The following OCA2 variants were observed in gnomAD, a reference collection of about 807,000 sequenced individuals.
OCA2 encodes OCA2 melanosomal transmembrane protein.
In OCA2, 77 loss-of-function variants were observed where a neutral mutation model predicts 100.2. The ratio of observed to expected loss-of-function variants is 0.77; its 90% CI spans 0.64 to 0.93. The LOEUF is 0.93. OCA2 is among the 40% of genes least tolerant of loss of function. The pLI is 0.00. For synonymous variants in OCA2, 432 were observed against 439.2 expected (o/e 0.98, Z 0.21); for missense variants, 1,062 against 1,089.1 (o/e 0.98, Z 0.35).
chr15:28,047,266 C>G (rs1028635436), intron 2 of OCA2, among the ~76,000 whole-genome samples: 3 of 152,172 alleles, frequency 2.0e-5, no homozygotes, highest in Non-Finnish European at 4.4e-5. Flanking sequence ...CCTCCAGAGA[C>G]TCTGATTCAG....
chr15:27,976,863 T>C (rs2040984095), intron 14 of OCA2, among the ~76,000 whole-genome samples: 1 of 152,192 alleles, frequency 6.6e-6, no homozygotes, highest in Non-Finnish European at 1.5e-5. Flanking sequence ...CCAAAGAAGC[T>C]ATCTTAGCCT....
intron 19 of OCA2, among the ~76,000 whole-genome samples, chr15:27,899,970 G>A (rs750748157): frequency 2.0e-5 from 3 of 151,948 alleles, no homozygotes; most frequent in Non-Finnish European, 4.4e-5. Flanking sequence ...GTGGATTTGC[G>A]GGTCCTAATA....
chr15:27,967,895 T>C (rs1251552533), intron 14 of OCA2, among the ~76,000 whole-genome samples: 1 of 152,264 alleles, frequency 6.6e-6, no homozygotes, highest in Non-Finnish European at 1.5e-5. Context: ...TTGGTTCTGT[T>C]CTTTCACTGA....
intron 18 of OCA2, among the ~76,000 whole-genome samples, chr15:27,937,530 G>A (rs2039499786): frequency 1.3e-5 from 2 of 152,228 alleles, no homozygotes; most frequent in Admixed American, 1.3e-4. Context: ...AGCAATGCAT[G>A]ACACTTCCTA....
At chr15:27,912,661 G>C (rs1006415268) in intron 19 of OCA2, among the ~76,000 whole-genome samples, 32 of 152,110 alleles carry the variant, frequency 2.1e-4, no homozygotes, top group African/African-American at 7.5e-4. Context: ...GAAGCAATAA[G>C]GATAATACAA....
intron 22 of OCA2, among the ~76,000 whole-genome samples, chr15:27,848,697 T>G (rs2035625530): frequency 6.6e-6 from 1 of 152,254 alleles, no homozygotes; most frequent in Non-Finnish European, 1.5e-5. Flanking sequence ...CTCCTGTGTC[T>G]GCAGTATACA....
chr15:28,094,545 G>C, intron 1 of OCA2, among the ~76,000 whole-genome samples: 1 of 152,298 alleles, frequency 6.6e-6, no homozygotes, highest in Non-Finnish European at 1.5e-5. Flanking sequence ...AGAAAAAATA[G>C]ATAGTTGTGG....
intron 23 of OCA2, among the ~76,000 whole-genome samples, chr15:27,814,401 G>A (rs2034197754): frequency 6.6e-6 from 1 of 152,122 alleles, no homozygotes; most frequent in South Asian, 2.1e-4. Flanking sequence ...TGAGGAAGCT[G>A]GCACAGAACA....
intron 19 of OCA2, among the ~76,000 whole-genome samples, chr15:27,921,952 T>C (rs760167390): frequency 2.0e-5 from 3 of 152,238 alleles, no homozygotes; most frequent in Non-Finnish European, 4.4e-5. Context: ...TTGTATGTTA[T>C]ATGTCTTATA....
At chr15:28,051,270 A>G (rs2141565619) in intron 2 of OCA2, among the ~76,000 whole-genome samples, 1 of 152,254 alleles carries the variant, frequency 6.6e-6, no homozygotes, top group Non-Finnish European at 1.5e-5. Flanking sequence ...AAATCTACAG[A>G]CATTTCCCTT....
intron 23 of OCA2, among the ~76,000 whole-genome samples, chr15:27,783,912 T>G (rs1477889266): frequency 6.6e-6 from 1 of 152,076 alleles, no homozygotes; most frequent in Non-Finnish European, 1.5e-5. Flanking sequence ...CCCAGGGCGC[T>G]GATGAAAACC....
chr15:27,731,910 T>C, the OCA2 span, among the ~76,000 whole-genome samples: 3 of 152,204 alleles, frequency 2.0e-5, no homozygotes, highest in Non-Finnish European at 2.9e-5. Context: ...TAAGCAAAAA[T>C]GTGGAACCCA....
intron 21 of OCA2, among the ~76,000 whole-genome samples, chr15:27,852,726 GA>G (rs2035799282): frequency 6.7e-6 from 1 of 148,552 alleles, no homozygotes; most frequent in African/African-American, 2.5e-5. Flanking sequence ...AAATTTACAA[GA>G]AAAAAACAAA....
At chr15:27,733,434 C>T in the OCA2 span, among the ~76,000 whole-genome samples, 2 of 152,306 alleles carry the variant, frequency 1.3e-5, no homozygotes, top group South Asian at 4.1e-4. Context: ...TGTCAGCCAC[C>T]CACGGCCCAG....
intron 23 of OCA2, among the ~76,000 whole-genome samples, chr15:27,772,580 C>T (rs776544828): frequency 9.2e-5 from 14 of 152,006 alleles, no homozygotes; most frequent in Non-Finnish European, 1.5e-4. Context: ...CGGTGGCTCA[C>T]GCCTGTAATC....
At chr15:28,031,437 G>GAGGCTGC (rs1237496691) in intron 3 of OCA2, among the ~76,000 whole-genome samples, 3 of 152,220 alleles carry the variant, frequency 2.0e-5, no homozygotes, top group African/African-American at 7.2e-5. Context: ...AAAGAAGATT[G>GAGGCTGC]AGGCTGCAGG....
intron 23 of OCA2, among the ~76,000 whole-genome samples, chr15:27,767,489 G>A (rs113780239): frequency 0.022 from 3,287 of 151,812 alleles, 130 homozygotes; most frequent in African/African-American, 0.075. Context: ...CTAAAGGATT[G>A]TAAATGCACC....
At chr15:27,838,982 T>G (rs200718850) in intron 23 of OCA2, among the ~76,000 whole-genome samples, 22 of 152,098 alleles carry the variant, frequency 1.4e-4, no homozygotes, top group Middle Eastern at 3.4e-3. Flanking sequence ...GAAACAAGCA[T>G]AGAACAATGG....
intron 2 of OCA2, among the ~76,000 whole-genome samples, chr15:28,078,064 G>C (rs909797263): frequency 6.6e-6 from 1 of 152,212 alleles, no homozygotes; most frequent in Non-Finnish European, 1.5e-5. Flanking sequence ...GGGTGACAAC[G>C]TTGAATTGAA....
Sources: allele counts gnomAD v4.1 joint callset (sites outside exome capture counted in the v4.1 genomes callset), GRCh38; gene constraint gnomAD v4.1.1; transcripts MANE v1.5; gene names NCBI Gene and HGNC (gene_info 2026-07-23, HGNC 2026-07-21).